BANP: variants seen among roughly 807,000 people sequenced by gnomAD.
The protein encoded by BANP is protein BANP.
BANP carries 11 observed loss-of-function variants against 68.1 expected under a neutral mutation model. The observed-to-expected ratio is 0.16, with a 90% CI of 0.10 to 0.27. BANP has a LOEUF of 0.27. Among genes scored for constraint, BANP ranks in the 10% least tolerant of loss-of-function variants. BANP has a pLI of 1.00. For synonymous variants in BANP, 329 were observed against 303.2 expected (o/e 1.09, Z -0.88); for missense variants, 504 against 722.7 (o/e 0.70, Z 3.47).
rs893089555 is a variant in BANP at position 88,033,116 on chromosome 16, G to T, written c.1071G>T (p.Met357Ile). 1.1e-5 allele frequency: 17 copies of T among 1,604,518 alleles called. No homozygotes were observed. The highest frequency in any genetic ancestry group is 1.2e-5 in the Non-Finnish European group (14 of 1,173,036). ...NSSSYCPSEP[M>I]MSTPPPASEL... ...CACCTGTTGCCCCCACAGAGCCGAT[G>T]ATGAGCACCCCACCTCCTGCCAGCG... Residue 357 changes from methionine (M) to isoleucine (I), a missense_variant, in exon 9 of 14, where the codon ATG becomes ATT. By Grantham distance (10) the Met-to-Ile change is conservative. Coordinates refer to ENST00000682872, the MANE Select transcript of BANP (RefSeq NM_001386991.1).
chr16:88,005,983 C>A, intron 5 of BANP, 107 bp from the exon 6 acceptor site: 1 of 1,342,936 alleles, frequency 7.4e-7, no homozygotes, highest in Non-Finnish European at 1.1e-6. Context: ...GCTGTGTGAT[C>A]CACTGGTCCA....
At chr16:88,028,006 G>A (rs1239968011) in intron 8 of BANP, among the ~76,000 whole-genome samples, 1 of 152,220 alleles carries the variant, frequency 6.6e-6, no homozygotes, top group Non-Finnish European at 1.5e-5. Context: ...GAAGTGGGGT[G>A]GATTCTGAAT....
intron 4 of BANP, among the ~76,000 whole-genome samples, chr16:88,001,938 A>G (rs1019500509): frequency 1.3e-5 from 2 of 152,178 alleles, no homozygotes; most frequent in African/African-American, 4.8e-5. Flanking sequence ...AAACAAAAAA[A>G]AAAAAACCTT....
Position 88,072,156 on chromosome 16 carries a change from A to G in BANP, c.1465A>G (p.Ile489Val). 1 of 1,611,612 alleles carries G rather than the reference A, an allele frequency of 6.2e-7. No homozygotes were observed. The highest frequency in any genetic ancestry group is 8.5e-7 in the Non-Finnish European group (1 of 1,179,708). ...TGGGTCGCCACTCCAGGGCAGCGAC[A>G]TCCAGGTTCAGTACGTGCAGCTGGC... ...VDGSPLQGSD[I>V]QVQYVQLAPV... The change falls in exon 13 of 14, where the codon ATC becomes GTC. Residue 489 changes from isoleucine to valine, a missense_variant. Coordinates refer to ENST00000682872, the MANE Select transcript of BANP (RefSeq NM_001386991.1).
At position 88,065,307 on chromosome 16, in the gene BANP, C is replaced by T. The variant is rs1157423266; in HGVS notation, c.1352C>T (p.Ser451Phe). The change falls in exon 12 of 14, where the codon TCC becomes TTC. Residue 451 changes from serine to phenylalanine, a missense_variant. Coordinates refer to ENST00000682872, the MANE Select transcript of BANP (RefSeq NM_001386991.1). ...CGCATCCCCTGCCTCCTGGCCCCATCCGTCTTCAAAGCCAGCAGTGGCCAG... is the reference window on the plus strand; with the variant it reads ...CGCATCCCCTGCCTCCTGGCCCCATTCGTCTTCAAAGCCAGCAGTGGCCAG... ...ATRIPCLLAP[S>F]VFKASSGQVL... The T allele has an allele frequency of 6.5e-6, 5 of 770,044 alleles. No homozygotes were observed. The highest frequency in any genetic ancestry group is 1.2e-5 in the Non-Finnish European group (5 of 417,828). The allele number at this position is 770,044 out of a possible 1,614,324, so 47.7% of individuals were successfully genotyped here.
chr16:88,074,048 G>A (rs1378446862), intron 13 of BANP, among the ~76,000 whole-genome samples: 1 of 152,248 alleles, frequency 6.6e-6, no homozygotes, highest in Non-Finnish European at 1.5e-5. Context: ...GGGTGCGTTA[G>A]CTTGTCACCA....
At chr16:88,049,994 C>G (rs887599102) in intron 11 of BANP, among the ~76,000 whole-genome samples, 2 of 152,168 alleles carry the variant, frequency 1.3e-5, no homozygotes, top group African/African-American at 2.4e-5. Context: ...CAATTAAGAA[C>G]CCTCTTCAGG....
intron 8 of BANP, among the ~76,000 whole-genome samples, chr16:88,031,782 C>T (rs2078230921): frequency 6.6e-6 from 1 of 151,510 alleles, no homozygotes; most frequent in East Asian, 1.9e-4. Flanking sequence ...TTTCTCTCCC[C>T]TCCCCCGCTC....
intron 7 of BANP, among the ~76,000 whole-genome samples, chr16:88,026,355 A>G (rs908453942): frequency 6.6e-6 from 1 of 152,216 alleles, no homozygotes; most frequent in Non-Finnish European, 1.5e-5. Context: ...GGCGTCGGGA[A>G]TGACATAAGC....
At chr16:88,026,159 A>G (rs1453908121) in intron 7 of BANP, among the ~76,000 whole-genome samples, 1 of 152,200 alleles carries the variant, frequency 6.6e-6, no homozygotes, top group Non-Finnish European at 1.5e-5. Flanking sequence ...GTGGTAGAGA[A>G]CTGGGGGTCC....
chr16:87,963,389 G>C (rs2059520789), intron 1 of BANP: 1 of 152,306 alleles, frequency 6.6e-6, no homozygotes, highest in African/African-American at 2.4e-5. Context: ...CATCTGTAAA[G>C]TGAGGTAGGC....
intron 1 of BANP, chr16:87,952,770 G>C (rs2057226774): frequency 6.6e-6 from 1 of 152,086 alleles, no homozygotes; most frequent in African/African-American, 2.4e-5. Flanking sequence ...GTCATCATTG[G>C]CGTTAATATT....
At position 88,057,939 on chromosome 16, in the gene BANP, C is replaced by G. The variant is rs573903082; in HGVS notation, c.1312-7328C>G. 6.6e-6 allele frequency among the ~76,000 whole-genome samples: 1 copy of G among 152,244 alleles called. No individual in the cohort carries two copies. Among genetic ancestry groups the G allele is most frequent in the South Asian group, 2.1e-4 (1 of 4,830 alleles). On this transcript the variant is annotated intron_variant, in intron 11 of 13. Transcript: ENST00000682872. The surrounding 1 kb of genome is among the most constrained non-coding windows in gnomAD (Gnocchi z 4.6). ...TTCCGACAAGCCAGGCGCCGAGGCT[C>G]GGTGTGGGCCCGTGGGCCTGATTGA...
intron 12 of BANP, among the ~76,000 whole-genome samples, chr16:88,069,994 G>A (rs780926287): frequency 6.6e-6 from 1 of 152,162 alleles, no homozygotes; most frequent in Non-Finnish European, 1.5e-5. Flanking sequence ...CGGACGGTGA[G>A]GACGAAGGCC....
intron 5 of BANP, 95 bp from the exon 6 acceptor site, chr16:88,005,995 A>G (rs1598364315): frequency 6.7e-7 from 1 of 1,484,520 alleles, no homozygotes; most frequent in Non-Finnish European, 9.4e-7. Flanking sequence ...ACTGGTCCAC[A>G]CAGAGTTAGA....
intron 11 of BANP, among the ~76,000 whole-genome samples, chr16:88,061,237 G>T (rs1400272751): frequency 6.6e-6 from 1 of 152,142 alleles, no homozygotes; most frequent in Non-Finnish European, 1.5e-5. Flanking sequence ...GTCTCCCGGG[G>T]CATCTTGCCA....
chr16:87,971,858 T>A (rs2061192219), intron 1 of BANP, among the ~76,000 whole-genome samples: 1 of 152,196 alleles, frequency 6.6e-6, no homozygotes, highest in South Asian at 2.1e-4. Context: ...AGTGGTGCGA[T>A]CACAGCTTGC....
chr16:88,037,267 T>A (rs1598725198), intron 10 of BANP: 1 of 152,246 alleles, frequency 6.6e-6, no homozygotes, highest in Non-Finnish European at 1.5e-5. Flanking sequence ...CAAAACTGAA[T>A]CCATCTTGTA....
rs923849663 is a variant in BANP at position 88,018,759 on chromosome 16, C to A, written c.895+92C>A. On this transcript the variant is annotated intron_variant, in intron 7 of 13. Coordinates refer to ENST00000682872, the MANE Select transcript of BANP (RefSeq NM_001386991.1). The surrounding 1 kb of genome is among the most constrained non-coding windows in gnomAD (Gnocchi z 7.7). ...GCTGAGGACGCTGGCATCAGTAGCA[C>A]CGGCACGGGGCTGCGTTTCTCCAGG... is the stretch of plus-strand genomic sequence containing the variant. The A allele has an allele frequency of 1.5e-5, 21 of 1,442,132 alleles. No homozygotes were observed. Among genetic ancestry groups the A allele is most frequent in the Middle Eastern group, 2.4e-4 (1 of 4,218 alleles). 89.3% of individuals were successfully genotyped at this position (1,442,132 alleles called of 1,614,324 possible). A position where few individuals can be genotyped will look rare whatever the true frequency, so the allele number is the denominator to read the frequency against.
Sources: allele counts gnomAD v4.1 joint callset (sites outside exome capture counted in the v4.1 genomes callset), GRCh38; gene constraint gnomAD v4.1.1; non-coding constraint Gnocchi (gnomAD v3.1); transcripts MANE v1.5; gene names NCBI Gene and HGNC (gene_info 2026-07-23, HGNC 2026-07-21).